The following MEIOSIN variants were observed in gnomAD, a reference collection of about 807,000 sequenced individuals.
MEIOSIN encodes the protein meiosis initiator.
MEIOSIN carries 18 observed loss-of-function variants against 23.4 expected under a neutral mutation model. The observed-to-expected ratio is 0.77, with a 90% confidence interval of 0.53 to 1.14. The LOEUF is 1.14. Ranked by LOEUF, MEIOSIN falls within the 50% of genes most tolerant of loss-of-function variation. The pLI is 0.00. For missense variants in MEIOSIN, 428 were observed against 242.9 expected, an observed-to-expected ratio of 1.76 and a Z score of -5.07; for synonymous variants, 187 against 100.6, an observed-to-expected ratio of 1.86 and a Z score of -5.14.
rs192602052 is a variant in MEIOSIN, at chr19:45,762,407, C to T, written c.1679+224C>T. Among the ~76,000 whole-genome samples, 177 of 152,056 alleles carry T rather than the reference C, an allele frequency of 1.2e-3. 1 individual carries two copies. The highest frequency in any genetic ancestry group is 1.5e-3 in the South Asian group (7 of 4,818). ...GAAACCCAATTCAGGCTTTAGACTTCAGAAAAAAAGGAGTTTTTTTTGTTT... is the reference window on the plus strand; with the variant it reads ...GAAACCCAATTCAGGCTTTAGACTTTAGAAAAAAAGGAGTTTTTTTTGTTT... On this transcript the variant is annotated intron_variant, in intron 13 of 14. Transcript: ENST00000457052.
Position 45,761,998 on chromosome 19 carries a change from A to G in MEIOSIN, c.1494A>G (p.Thr498=). 1 of 521,362 alleles carries G rather than the reference A, an allele frequency of 1.9e-6. No homozygotes were observed. Among genetic ancestry groups the G allele is most frequent in the Non-Finnish European group, 3.4e-6 (1 of 292,788 alleles). 32.3% of individuals were successfully genotyped at this position (521,362 alleles called of 1,614,324 possible). A position where few individuals can be genotyped will look rare whatever the true frequency, so the allele number is the denominator to read the frequency against. The change falls in exon 13 of 15, where the codon ACA becomes ACG. Residue 498 remains threonine (T), a synonymous_variant. Transcript: ENST00000457052. The part of the protein sequence containing the change: ...PGSSEEDEDT[T]WTPTRLASPL... ...CCAGCGAAGAGGACGAAGACACCAC[A>G]TGGACCCCCACCCGGCTGGCCTCAC...
chr19:45,758,524 G>A (rs1306902717), intron 9 of MEIOSIN, among the ~76,000 whole-genome samples: 1 of 151,956 alleles, frequency 6.6e-6, no homozygotes, highest in Non-Finnish European at 1.5e-5. Flanking sequence ...CTGCTCCTGG[G>A]TTCAAGCGAT....
chr19:45,738,487 G>A (rs1336911520), intron 2 of MEIOSIN, among the ~76,000 whole-genome samples: 2 of 152,316 alleles, frequency 1.3e-5, no homozygotes, highest in South Asian at 4.1e-4. Flanking sequence ...GCATGGTGGT[G>A]TGTGCCGGTA....
intron 9 of MEIOSIN, among the ~76,000 whole-genome samples, chr19:45,757,811 C>T (rs1968860424): frequency 6.6e-6 from 1 of 151,756 alleles, no homozygotes; most frequent in Admixed American, 6.6e-5. Flanking sequence ...ATGAACCACC[C>T]CTCCGAACTC....
In MEIOSIN at chr19:45,744,499, G is replaced by GTTTGT. The variant is rs765679162; in HGVS notation, c.177-669_177-665dup. On this transcript the variant is annotated intron_variant, in intron 3 of 14. Coordinates refer to ENST00000457052, the MANE Select transcript of MEIOSIN (RefSeq NM_001310124.2). The stretch of plus-strand genomic sequence containing the variant: ...TGTTTTGTTTTGTTTTTGAGACGGA[G>GTTTGT]TTTGTTTTGTTTTGTTTTGTTTTGT... 6.0e-3 allele frequency among the ~76,000 whole-genome samples: 914 copies of GTTTGT among 152,116 alleles called. 8 individuals are homozygous for GTTTGT. Among genetic ancestry groups the GTTTGT allele is most frequent in the African/African-American group, 8.9e-3 (369 of 41,508 alleles).
intron 6 of MEIOSIN, 103 bp downstream of exon 6, chr19:45,753,891 T>A (rs1345806671): frequency 1.6e-6 from 1 of 607,584 alleles, no homozygotes; most frequent in Non-Finnish European, 2.9e-6. Flanking sequence ...CAGCACCCTG[T>A]GCCGGGGTTC....
At chr19:45,747,548 G>T (rs1968616477) in intron 4 of MEIOSIN, among the ~76,000 whole-genome samples, 1 of 152,242 alleles carries the variant, frequency 6.6e-6, no homozygotes, top group African/African-American at 2.4e-5. Flanking sequence ...CTTGCCCACA[G>T]GGCCTAGCAA....
intron 6 of MEIOSIN, 93 bp downstream of exon 6, chr19:45,753,881 C>A: frequency 3.2e-6 from 2 of 618,420 alleles, no homozygotes; most frequent in Non-Finnish European, 2.9e-6. Flanking sequence ...GGGGCCTTCT[C>A]AGCACCCTGT....
At chr19:45,755,165 T>C (rs986661029) in intron 7 of MEIOSIN, among the ~76,000 whole-genome samples, 2 of 151,518 alleles carry the variant, frequency 1.3e-5, no homozygotes, top group Non-Finnish European at 2.9e-5. Context: ...TTTTTTTTTT[T>C]TTGAGATGGA....
intron 13 of MEIOSIN, among the ~76,000 whole-genome samples, chr19:45,762,928 G>C (rs1968976410): frequency 6.6e-6 from 1 of 152,194 alleles, no homozygotes; most frequent in African/African-American, 2.4e-5. Flanking sequence ...CACAGGCTCG[G>C]GTCCTGTCCC....
At chr19:45,759,331 G>A in intron 10 of MEIOSIN, 83 bp from the exon 11 acceptor site, 1 of 691,438 alleles carries the variant, frequency 1.4e-6, no homozygotes, top group South Asian at 1.5e-5. Flanking sequence ...GGGGACTCCG[G>A]CTAGCAGGGA....
chr19:45,737,016 A>G (rs558811543), intron 2 of MEIOSIN, among the ~76,000 whole-genome samples: 28 of 151,646 alleles, frequency 1.8e-4, no homozygotes, highest in African/African-American at 6.8e-4. Context: ...CTACAGGCGC[A>G]TGCCACCACG....
At chr19:45,743,196 C>G (rs1968536402) in intron 3 of MEIOSIN, among the ~76,000 whole-genome samples, 2 of 152,106 alleles carry the variant, frequency 1.3e-5, no homozygotes, top group African/African-American at 4.8e-5. Context: ...GAAGGTTCAC[C>G]CTGTGCTTTG....
intron 3 of MEIOSIN, among the ~76,000 whole-genome samples, chr19:45,740,991 C>T (rs542259005): frequency 6.6e-6 from 1 of 151,944 alleles, no homozygotes; most frequent in Non-Finnish European, 1.5e-5. Flanking sequence ...GGGATATAAC[C>T]AGCGCAGCAT....
intron 13 of MEIOSIN, 71 bp from the exon 14 acceptor site, chr19:45,763,267 A>G: frequency 2.5e-6 from 1 of 398,234 alleles, no homozygotes; most frequent in Non-Finnish European, 4.4e-6. Context: ...CCACAAGGCT[A>G]GGAAGGGTCT....
chr19:45,745,371 T>C, intron 4 of MEIOSIN, 50 bp downstream of exon 4: 1 of 683,892 alleles, frequency 1.5e-6, no homozygotes, highest in Non-Finnish European at 2.7e-6. Context: ...GGTCTTTAAA[T>C]AGCAGCAAAT....
At position 45,754,498 on chromosome 19, in the gene MEIOSIN, G is replaced by A. The variant is rs202149946; in HGVS notation, c.576G>A (p.Pro192=). 2.6e-4 allele frequency: 180 copies of A among 702,630 alleles called. No individual in the cohort carries two copies. Among genetic ancestry groups the A allele is most frequent in the Non-Finnish European group, 3.8e-4 (148 of 384,860 alleles). 43.5% of individuals were successfully genotyped at this position (702,630 alleles called of 1,614,324 possible). The change falls in exon 7 of 15, where the codon CCG becomes CCA. Residue 192 remains proline (P), a synonymous_variant. Coordinates refer to ENST00000457052, the MANE Select transcript of MEIOSIN (RefSeq NM_001310124.2). ...TQASESQTRT[P]KPRRSLALNK... ...CCCCAGAAAGCCAGACTCGGACCCC[G>A]AAGCCTCGCCGCTCTCTGGCCCTGA...
At chr19:45,734,476 A>G (rs1383235587) in intron 1 of MEIOSIN, among the ~76,000 whole-genome samples, 3 of 151,924 alleles carry the variant, frequency 2.0e-5, no homozygotes, top group Non-Finnish European at 2.9e-5. Context: ...TCAGTATTAG[A>G]ATTTAGGGTT....
chr19:45,746,148 G>A (rs989563648), intron 4 of MEIOSIN, among the ~76,000 whole-genome samples: 1 of 151,924 alleles, frequency 6.6e-6, no homozygotes, highest in Non-Finnish European at 1.5e-5. Flanking sequence ...TGTAGTTTTG[G>A]TAGAGACGAG....
Sources: gnomAD v4.1 joint callset for allele counts (sites outside exome capture counted in the v4.1 genomes callset) on GRCh38, gnomAD v4.1.1 for gene constraint, MANE v1.5 for transcripts, NCBI Gene and HGNC (gene_info 2026-07-23, HGNC 2026-07-21) for gene names.